CNTN5: variants seen among roughly 807,000 people sequenced by gnomAD.
The protein encoded by CNTN5 is contactin-5.
Under a neutral mutation model 129.1 loss-of-function variants are expected in CNTN5, and 77 were observed. That is an observed-to-expected ratio of 0.60 (90% CI 0.50 to 0.72). The LOEUF (loss-of-function observed/expected upper bound fraction) is 0.72, where lower values mean the gene tolerates loss of function less well. CNTN5 is among the 30% of genes least tolerant of loss of function. The probability of loss-of-function intolerance (pLI) is 0.00; values close to 1 mark genes in which losing one functional copy is unlikely to be tolerated. For missense variants in CNTN5, 1,478 were observed against 1,328.8 expected, an observed-to-expected ratio of 1.11 and a Z score of -1.75; for synonymous variants, 509 against 465.6, an observed-to-expected ratio of 1.09 and a Z score of -1.20.
intron 7 of CNTN5, among the ~76,000 whole-genome samples, chr11:99,930,776 A>G (rs537818743): frequency 9.4e-6 from 1 of 106,610 alleles, no homozygotes; most frequent in African/African-American, 3.7e-5. Context: ...ACAGTAGATA[A>G]AAATAAACAC....
rs528073296 is a variant in CNTN5, at chr11:99,825,379, C to T, written c.277+5614C>T. On this transcript the variant is annotated intron_variant, in intron 4 of 24. Transcript: ENST00000524871. ...AAATTAAGAAATTTCTCAAGTATAACATTATTTGATAATTTTGTTGTTTCA... is the reference window on the plus strand; with the variant it reads ...AAATTAAGAAATTTCTCAAGTATAATATTATTTGATAATTTTGTTGTTTCA... Among the ~76,000 whole-genome samples, 3 of 152,026 alleles carry T rather than the reference C, an allele frequency of 2.0e-5. No individual in the cohort carries two copies. In the South Asian group the frequency reaches 6.2e-4, roughly 31 times the overall value.
At chr11:100,208,852 G>A (rs913952344) in intron 15 of CNTN5, among the ~76,000 whole-genome samples, 9 of 152,196 alleles carry the variant, frequency 5.9e-5, no homozygotes, top group Non-Finnish European at 1.0e-4. Context: ...ACTGCTGGTG[G>A]TCTCAGTTGG....
chr11:100,313,193 A>C (rs1951506335), intron 21 of CNTN5, among the ~76,000 whole-genome samples: 1 of 151,970 alleles, frequency 6.6e-6, no homozygotes, highest in South Asian at 2.1e-4. Flanking sequence ...TTTTTTAATC[A>C]CTCTGGCTGC....
chr11:99,313,124 T>C (rs1816496758), intron 1 of CNTN5, among the ~76,000 whole-genome samples: 1 of 151,508 alleles, frequency 6.6e-6, no homozygotes, highest in Non-Finnish European at 1.5e-5. Flanking sequence ...TTTTTTTTTT[T>C]CTATCACTGC....
intron 1 of CNTN5, among the ~76,000 whole-genome samples, chr11:99,059,132 T>C (rs1864766057): frequency 6.9e-6 from 1 of 143,994 alleles, no homozygotes; most frequent in African/African-American, 2.5e-5. Context: ...TTCAGAGACA[T>C]GATGCTTATA....
chr11:99,689,249 C>G (rs953483952), intron 3 of CNTN5, among the ~76,000 whole-genome samples: 13 of 152,032 alleles, frequency 8.6e-5, no homozygotes, highest in African/African-American at 2.9e-4. Context: ...TCCTGAGGGC[C>G]GGGCGTGGTG....
intron 16 of CNTN5, among the ~76,000 whole-genome samples, chr11:100,255,299 G>A (rs1950043543): frequency 6.6e-6 from 1 of 152,064 alleles, no homozygotes; most frequent in Admixed American, 6.6e-5. Flanking sequence ...ACACATCATA[G>A]GGCTTGTACA....
chr11:99,702,517 TATC>T (rs1209296275), intron 3 of CNTN5, among the ~76,000 whole-genome samples: 1 of 150,980 alleles, frequency 6.6e-6, no homozygotes, highest in Non-Finnish European at 1.5e-5. Flanking sequence ...ATGTAATTAT[TATC>T]ATAATCAGTT....
chr11:99,465,243 A>C (rs986240586), intron 2 of CNTN5, among the ~76,000 whole-genome samples: 1 of 152,144 alleles, frequency 6.6e-6, no homozygotes, highest in Non-Finnish European at 1.5e-5. Context: ...TGTGTTCTTC[A>C]GTTGATTTAG....
intron 3 of CNTN5, among the ~76,000 whole-genome samples, chr11:99,671,512 A>G (rs1953043118): frequency 6.6e-6 from 1 of 152,100 alleles, no homozygotes; most frequent in Non-Finnish European, 1.5e-5. Context: ...AATGTTTTCA[A>G]AATTTCCAAG....
chr11:99,454,508 C>A (rs1200647300), intron 2 of CNTN5, among the ~76,000 whole-genome samples: 2 of 152,086 alleles, frequency 1.3e-5, no homozygotes, highest in African/African-American at 2.4e-5. Flanking sequence ...GAAGAAGGTG[C>A]CTTGCTTCCC....
chr11:99,028,327 A>G (rs10892659), intron 1 of CNTN5, among the ~76,000 whole-genome samples: 29,577 of 151,782 alleles, frequency 0.19, 3,176 homozygotes, highest in East Asian at 0.33. Flanking sequence ...GGACAGTGGC[A>G]GTACAAAGGA....
At chr11:99,732,140 C>G (rs1943555691) in intron 3 of CNTN5, among the ~76,000 whole-genome samples, 1 of 151,976 alleles carries the variant, frequency 6.6e-6, no homozygotes, top group Non-Finnish European at 1.5e-5. Context: ...TCCTGATAGG[C>G]AAAGGATTTA....
At chr11:99,465,514 C>A (rs953560376) in intron 2 of CNTN5, among the ~76,000 whole-genome samples, 4 of 151,890 alleles carry the variant, frequency 2.6e-5, no homozygotes, top group African/African-American at 9.7e-5. Flanking sequence ...AGAATTTAGA[C>A]AATATGTGTT....
intron 21 of CNTN5, among the ~76,000 whole-genome samples, chr11:100,338,493 A>G (rs1952082895): frequency 6.6e-6 from 1 of 152,202 alleles, no homozygotes; most frequent in Non-Finnish European, 1.5e-5. Flanking sequence ...GGGTGCAGTA[A>G]TCTACTATTT....
At chr11:99,564,672 G>A (rs1240811656) in intron 3 of CNTN5, among the ~76,000 whole-genome samples, 4 of 152,050 alleles carry the variant, frequency 2.6e-5, no homozygotes, top group Admixed American at 1.3e-4. Flanking sequence ...TGTGAAAAAA[G>A]CATCAACATT....
intron 3 of CNTN5, among the ~76,000 whole-genome samples, chr11:99,568,175 G>T (rs1198199188): frequency 2.0e-5 from 3 of 152,036 alleles, no homozygotes; most frequent in African/African-American, 7.2e-5. Context: ...AAAGTGTTTT[G>T]GAATCTAGAA....
chr11:100,076,932 T>G (rs11607629), intron 13 of CNTN5, among the ~76,000 whole-genome samples: 1 of 152,082 alleles, frequency 6.6e-6, no homozygotes, highest in South Asian at 2.1e-4. Context: ...ATAATAACAC[T>G]TAATATTAAA....
intron 3 of CNTN5, among the ~76,000 whole-genome samples, chr11:99,817,910 G>C (rs1440598649): frequency 6.6e-6 from 1 of 152,058 alleles, no homozygotes; most frequent in East Asian, 1.9e-4. Context: ...AAGAGTCAAG[G>C]ACATGAATCT....
Sources: allele counts gnomAD v4.1 joint callset (sites outside exome capture counted in the v4.1 genomes callset), GRCh38; gene constraint gnomAD v4.1.1; transcripts MANE v1.5; gene names NCBI Gene and HGNC (gene_info 2026-07-23, HGNC 2026-07-21).